Variants in PLEKHA2 observed in about 807,000 individuals in gnomAD.
PLEKHA2 encodes pleckstrin homology domain-containing family A member 2.
Under a neutral mutation model 53.2 loss-of-function variants are expected in PLEKHA2, and 28 were observed. The observed-to-expected ratio is 0.53, with a 90% CI of 0.39 to 0.72. The LOEUF is 0.72. Among genes scored for constraint, PLEKHA2 ranks in the 30% least tolerant of loss-of-function variants. The pLI is 0.00. For missense variants in PLEKHA2, 426 were observed against 537.9 expected, an observed-to-expected ratio of 0.79 and a Z score of 2.06; for synonymous variants, 193 against 196.4, an observed-to-expected ratio of 0.98 and a Z score of 0.14.
chr8:38,940,849 C>T (rs560525652), intron 3 of PLEKHA2, among the ~76,000 whole-genome samples: 13 of 151,932 alleles, frequency 8.6e-5, no homozygotes, highest in African/African-American at 3.1e-4. Context: ...GTGGCTTTCA[C>T]CTCACATCTC....
intron 1 of PLEKHA2, among the ~76,000 whole-genome samples, chr8:38,902,230 T>G (rs867300605): frequency 0.055 from 4,605 of 84,240 alleles, 1 homozygote; most frequent in Middle Eastern, 0.13. Context: ...TGGGGGGGGG[T>G]GGTGGGAAGC....
rs758121955 is a variant in PLEKHA2, at chr8:38,969,418, T to C, written c.916-3T>C. The C allele has an allele frequency of 1.3e-5, 21 of 1,600,106 alleles. No individual in the cohort carries two copies. In the African/African-American group the frequency reaches 2.6e-4, roughly 20 times the overall value. ...TGTCTTTTTCTTCCTTTTATTTTTATAGGAAACGTCCTTTTCTAGATCCAT... is the reference window on the plus strand; with the variant it reads ...TGTCTTTTTCTTCCTTTTATTTTTACAGGAAACGTCCTTTTCTAGATCCAT... On this transcript the variant is annotated splice_polypyrimidine_tract_variant and splice_region_variant and intron_variant, in intron 11 of 11. Transcript: ENST00000617275.
At chr8:38,940,157 G>C (rs527292468) in intron 3 of PLEKHA2, among the ~76,000 whole-genome samples, 1 of 151,642 alleles carries the variant, frequency 6.6e-6, no homozygotes, top group South Asian at 2.1e-4. Context: ...CAGCACTTTG[G>C]GAGACCGAGG....
intron 2 of PLEKHA2, 53 bp from the exon 3 acceptor site, chr8:38,935,941 C>T: frequency 6.4e-7 from 1 of 1,558,320 alleles, no homozygotes; most frequent in Non-Finnish European, 8.8e-7. Context: ...GGTCTTCTGT[C>T]TCTTGGTGCT....
chr8:38,943,996 T>G (rs1834660686), intron 4 of PLEKHA2, among the ~76,000 whole-genome samples, 159 bp downstream of exon 4: 1 of 152,186 alleles, frequency 6.6e-6, no homozygotes, highest in Non-Finnish European at 1.5e-5. Flanking sequence ...TTGTTTTCCC[T>G]GGTCTTGCTG....
At chr8:38,956,895 C>G (rs1444825796) in intron 9 of PLEKHA2, among the ~76,000 whole-genome samples, 2 of 152,166 alleles carry the variant, frequency 1.3e-5, no homozygotes, top group South Asian at 2.1e-4. Context: ...CCCCCCGGGG[C>G]TGTTGTGAAG....
rs528520219 is a variant in PLEKHA2, at chr8:38,919,867, A to T, written c.141+1797A>T. On this transcript the variant is annotated intron_variant, in intron 2 of 11. Transcript: ENST00000617275. ...TTCAGAATGAACCCTTCCTAGGCAC[A>T]CTGTGACACCCTCAACTCAGCCTGG... Among the ~76,000 whole-genome samples, 3 of 152,326 alleles carry T rather than the reference A, an allele frequency of 2.0e-5. No homozygotes were observed. In the East Asian group the frequency reaches 5.8e-4, roughly 29 times the overall value.
intron 4 of PLEKHA2, among the ~76,000 whole-genome samples, chr8:38,944,700 C>T (rs1403701254): frequency 6.6e-6 from 1 of 152,126 alleles, no homozygotes; most frequent in Non-Finnish European, 1.5e-5. Context: ...ATGATCCAGT[C>T]ACCTCCCACC....
At chr8:38,906,622 T>C (rs550626387) in intron 1 of PLEKHA2, among the ~76,000 whole-genome samples, 1 of 152,304 alleles carries the variant, frequency 6.6e-6, no homozygotes, top group East Asian at 1.9e-4. Flanking sequence ...CACTTTATTC[T>C]CCCGCCTTAC....
chr8:38,962,351 A>G (rs563141161), intron 10 of PLEKHA2, among the ~76,000 whole-genome samples: 1 of 152,270 alleles, frequency 6.6e-6, no homozygotes, highest in Admixed American at 6.5e-5. Context: ...AAACCAAAAG[A>G]AAAGAAAAAA....
chr8:38,944,685 C>T (rs1322279497), intron 4 of PLEKHA2, among the ~76,000 whole-genome samples: 2 of 152,074 alleles, frequency 1.3e-5, no homozygotes, highest in Non-Finnish European at 2.9e-5. Context: ...CCCCCACGAC[C>T]CATCATGATC....
intron 9 of PLEKHA2, among the ~76,000 whole-genome samples, chr8:38,957,036 T>C (rs115000169): frequency 3.6e-4 from 55 of 152,152 alleles, no homozygotes; most frequent in African/African-American, 1.1e-3. Context: ...GGGTTGGATA[T>C]TAGGCAGGAG....
At chr8:38,953,041 A>G (rs891781046) in intron 8 of PLEKHA2, among the ~76,000 whole-genome samples, 2 of 152,024 alleles carry the variant, frequency 1.3e-5, no homozygotes, top group Admixed American at 6.6e-5. Context: ...GGATTTCACT[A>G]TGTTGCCCAG....
Position 38,957,308 on chromosome 8 carries a change from T to C in PLEKHA2, c.774-15T>C, listed in dbSNP as rs1396739265. 1.2e-6 allele frequency: 2 copies of C among 1,605,102 alleles called. No individual in the cohort carries two copies. Among genetic ancestry groups the C allele is most frequent in the African/African-American group, 2.7e-5 (2 of 74,850 alleles). ...TGTCAGCACGCCATAACATTCTTTC[T>C]CTTTCTCTGTCTAGTGATCTCTTAA... On this transcript the variant is annotated splice_polypyrimidine_tract_variant and intron_variant, in intron 9 of 11. Transcript: ENST00000617275.
At chr8:38,938,137 C>A (rs1389350215) in intron 3 of PLEKHA2, among the ~76,000 whole-genome samples, 1 of 152,246 alleles carries the variant, frequency 6.6e-6, no homozygotes, top group African/African-American at 2.4e-5. Context: ...CCCGCTGTCC[C>A]ACCCCCAGCT....
At chr8:38,962,211 G>A (rs977080093) in intron 10 of PLEKHA2, among the ~76,000 whole-genome samples, 2 of 152,008 alleles carry the variant, frequency 1.3e-5, no homozygotes, top group East Asian at 1.9e-4. Flanking sequence ...GGTCCAGGCC[G>A]GGTGCAGTGG....
intron 2 of PLEKHA2, among the ~76,000 whole-genome samples, chr8:38,929,991 T>A (rs1834360452): frequency 1.3e-5 from 2 of 152,194 alleles, no homozygotes; most frequent in East Asian, 3.9e-4. Context: ...GAAATACTGC[T>A]GTTGCTAGAA....
intron 1 of PLEKHA2, among the ~76,000 whole-genome samples, chr8:38,904,835 G>T (rs1833845605): frequency 6.6e-6 from 1 of 152,194 alleles, no homozygotes; most frequent in South Asian, 2.1e-4. Flanking sequence ...CTTTGCAGTA[G>T]TAATGATGAC....
At chr8:38,927,174 A>T (rs1192877673) in intron 2 of PLEKHA2, among the ~76,000 whole-genome samples, 1 of 152,174 alleles carries the variant, frequency 6.6e-6, no homozygotes, top group South Asian at 2.1e-4. Flanking sequence ...TGTATTTATT[A>T]TATACATCTC....
Sources: gnomAD v4.1 joint callset for allele counts (sites outside exome capture counted in the v4.1 genomes callset) on GRCh38, gnomAD v4.1.1 for gene constraint, MANE v1.5 for transcripts, NCBI Gene and HGNC (gene_info 2026-07-23, HGNC 2026-07-21) for gene names.